The following SPTA1 variants were observed in gnomAD, a reference collection of about 807,000 sequenced individuals.
The protein encoded by SPTA1 is spectrin alpha chain, erythrocytic 1.
A neutral mutation model predicts 324.7 loss-of-function variants in SPTA1; 177 were observed. The observed-to-expected ratio is 0.55, with a 90% CI of 0.48 to 0.62. The LOEUF is 0.62. Ranked by LOEUF, SPTA1 falls within the 20% of genes least tolerant of loss-of-function variation. The pLI is 0.00. For missense variants in SPTA1, 3,162 were observed against 2,883.6 expected, an observed-to-expected ratio of 1.10 and a Z score of -2.21; for synonymous variants, 1,195 against 1,041.3, an observed-to-expected ratio of 1.15 and a Z score of -2.84.
At chr1:158,666,236 A>G in intron 16 of SPTA1, 80 bp downstream of exon 16, 1 of 1,436,760 alleles carries the variant, frequency 7.0e-7, no homozygotes. Flanking sequence ...ATAAGTAATA[A>G]TTACTTATTA....
In SPTA1 at chr1:158,639,258, C is replaced by T. The variant is rs887306904; in HGVS notation, c.4980+324G>A. 3.9e-5 allele frequency: 12 copies of T among 311,238 alleles called. No homozygotes were observed. The East Asian group carries it at 4.6e-4, about 12-fold the overall frequency. The allele number at this position is 311,238 out of a possible 1,614,324, so 19.3% of individuals were successfully genotyped here. ...GTTTGTAATTCTATAAAGTAAACTTCCACTTTCTTTCAAATACCAGATCAA... is the reference window on the plus strand; with the variant it reads ...GTTTGTAATTCTATAAAGTAAACTTTCACTTTCTTTCAAATACCAGATCAA... On this transcript the variant is annotated intron_variant, in intron 35 of 51. Transcript: ENST00000643759.
chr1:158,675,811 G>A (rs910988917), intron 8 of SPTA1, among the ~76,000 whole-genome samples: 1 of 152,064 alleles, frequency 6.6e-6, no homozygotes, highest in Non-Finnish European at 1.5e-5. Context: ...TCTTTCAGTG[G>A]GACAAAGTGG....
At chr1:158,634,415 A>T (rs1650906705) in intron 39 of SPTA1, 128 bp downstream of exon 39, 1 of 1,365,542 alleles carries the variant, frequency 7.3e-7, no homozygotes, top group Non-Finnish European at 1.0e-6. Flanking sequence ...AACTGTCAGG[A>T]TTATTCGTAT....
intron 25 of SPTA1, among the ~76,000 whole-genome samples, chr1:158,649,524 C>G (rs1306350901): frequency 6.6e-6 from 1 of 152,278 alleles, no homozygotes; most frequent in South Asian, 2.1e-4. Flanking sequence ...CGGCCTAAAG[C>G]AATCCTCCTG....
intron 39 of SPTA1, among the ~76,000 whole-genome samples, chr1:158,629,500 C>A (rs1307896397): frequency 6.6e-6 from 1 of 151,800 alleles, no homozygotes; most frequent in Non-Finnish European, 1.5e-5. Flanking sequence ...ATGATAAAAA[C>A]CATCAACAAA....
intron 6 of SPTA1, among the ~76,000 whole-genome samples, 199 bp downstream of exon 6, chr1:158,678,202 A>G (rs1271369454): frequency 6.6e-6 from 1 of 152,034 alleles, no homozygotes; most frequent in African/African-American, 2.4e-5. Context: ...TTGATCTCCA[A>G]TCTCTACATC....
At chr1:158,631,557 A>G (rs1650677710) in intron 39 of SPTA1, among the ~76,000 whole-genome samples, 1 of 152,176 alleles carries the variant, frequency 6.6e-6, no homozygotes, top group South Asian at 2.1e-4. Context: ...ACCACTAAAG[A>G]ACTTATCCAT....
chr1:158,656,598 A>C lies in SPTA1; in HGVS notation c.2864T>G (p.Met955Arg). The C allele has an allele frequency of 1.2e-6, 2 of 1,613,978 alleles. No homozygotes were observed. The highest frequency in any genetic ancestry group is 1.7e-6 in the Non-Finnish European group (2 of 1,179,934). The part of the protein sequence containing the change: ...LLDLNSFGDS[M>R]KALRNQANAC... The stretch of plus-strand genomic sequence containing the variant: ...GTTTGCCTGATTCCGCAGAGCTTTC[A>C]TACTGTCTCCAAATGAATTGAGATC... The change falls in exon 20 of 52, where the codon ATG becomes AGG. Residue 955 changes from methionine (M) to arginine (R), a missense_variant. Coordinates refer to ENST00000643759, the MANE Select transcript of SPTA1 (RefSeq NM_003126.4).
Position 158,683,365 on chromosome 1 carries a change from A to C in SPTA1, c.390+6T>G, listed in dbSNP as rs755169411. 1 of 1,613,116 alleles carries C rather than the reference A, an allele frequency of 6.2e-7. No homozygotes were observed. Among genetic ancestry groups the C allele is most frequent in the Admixed American group, 1.7e-5 (1 of 59,942 alleles). ...TGGAAACTTCTTCAAGGGCCCATAC[A>C]TATACCTTCGTTTCTTCGTGGGCAG... On this transcript the variant is annotated splice_donor_region_variant and intron_variant, in intron 3 of 51. Coordinates refer to ENST00000643759, the MANE Select transcript of SPTA1 (RefSeq NM_003126.4).
Position 158,686,680 on chromosome 1 carries a change from C to T in SPTA1, c.-163G>A. The T allele has an allele frequency of 1.7e-6, 1 of 603,104 alleles. No individual in the cohort carries two copies. The highest frequency in any genetic ancestry group is 2.0e-5 in the South Asian group (1 of 50,336). 37.4% of individuals were successfully genotyped at this position (603,104 alleles called of 1,614,324 possible). ...CTCTTGCTTGGTCCTAGAATCCCAT[C>T]AGCCATACACAATCGACATTATCTT... On this transcript the variant is annotated 5_prime_UTR_variant, in exon 1 of 52. An upstream open reading frame in the 5' UTR loses its in-frame stop. Coordinates refer to ENST00000643759, the MANE Select transcript of SPTA1 (RefSeq NM_003126.4).
chr1:158,660,879 A>G (rs975745636), intron 18 of SPTA1, among the ~76,000 whole-genome samples: 6 of 152,202 alleles, frequency 3.9e-5, no homozygotes, highest in African/African-American at 1.4e-4. Context: ...AAGAAATGGA[A>G]CAGTTTACTA....
intron 42 of SPTA1, among the ~76,000 whole-genome samples, chr1:158,623,952 G>A (rs956340838): frequency 2.0e-5 from 3 of 152,236 alleles, no homozygotes; most frequent in Non-Finnish European, 4.4e-5. Context: ...TGTTCTAGCT[G>A]TAGCCAAAAG....
chr1:158,641,247 G>C (rs980560825), intron 33 of SPTA1, among the ~76,000 whole-genome samples: 12 of 152,186 alleles, frequency 7.9e-5, no homozygotes, highest in Admixed American at 2.6e-4. Context: ...ACATAGGCAT[G>C]GGCAAGGACT....
intron 1 of SPTA1, 100 bp downstream of exon 1, chr1:158,686,394 T>C: frequency 2.2e-6 from 2 of 898,548 alleles, no homozygotes; most frequent in Non-Finnish European, 1.8e-6. Flanking sequence ...AGCCAAATAA[T>C]TATTAATGTT....
At chr1:158,647,131 TA>T (rs918908165) in intron 27 of SPTA1, among the ~76,000 whole-genome samples, 9 of 152,186 alleles carry the variant, frequency 5.9e-5, no homozygotes, top group African/African-American at 2.2e-4. Flanking sequence ...TAAGGTGTAA[TA>T]AAATGTTACT....
Position 158,639,643 on chromosome 1 carries a change from G to A in SPTA1, c.4919C>T (p.Ala1640Val), listed in dbSNP as rs369714529. ...CTTCTTGAGTAGGTTTCCTGCTGAAGCCAAGTCCCTGGCCTGATCTTTCAT... is the reference window on the plus strand; with the variant it reads ...CTTCTTGAGTAGGTTTCCTGCTGAAACCAAGTCCCTGGCCTGATCTTTCAT... Reference protein sequence around the residue: ...LAMKDQARDLASAGNLLKKHQ... With the variant: ...LAMKDQARDLVSAGNLLKKHQ... The change falls in exon 35 of 52, where the codon GCT becomes GTT. Residue 1640 changes from alanine to valine, a missense_variant. Physicochemically the swap from Ala to Val is moderately conservative, Grantham distance 64 (BLOSUM62 0). Transcript: ENST00000643759. 4 of 1,613,894 alleles carry A rather than the reference G, an allele frequency of 2.5e-6. No homozygotes were observed. The highest frequency in any genetic ancestry group is 4.5e-5 in the East Asian group (2 of 44,854).
intron 31 of SPTA1, 33 bp downstream of exon 31, chr1:158,643,289 C>T (rs891295205): frequency 2.5e-6 from 4 of 1,611,578 alleles, no homozygotes; most frequent in Middle Eastern, 1.7e-4. Context: ...CTATATCTTC[C>T]TTTGGCACAT....
rs763839785 is a variant in SPTA1, at chr1:158,669,751, A to G, written c.1635T>C (p.Asp545=). 6.2e-7 allele frequency: 1 copy of G among 1,614,148 alleles called. No individual in the cohort carries two copies. Among genetic ancestry groups the G allele is most frequent in the East Asian group, 2.2e-5 (1 of 44,888 alleles). Residue 545 remains aspartate, a synonymous_variant, in exon 13 of 52, where the codon GAT becomes GAC. Transcript: ENST00000643759. ...TGATGTTCTCTGAATCATAATGGTC[A>G]TCACCAATCAATTTGGTTGCAGTCT... ...VDKTATKLIG[D]DHYDSENIKA...
Position 158,638,148 on chromosome 1 carries a change from T to C in SPTA1, c.5074A>G (p.Asn1692Asp), listed in dbSNP as rs1193149037. 1 of 1,614,008 alleles carries C rather than the reference T, an allele frequency of 6.2e-7. No homozygotes were observed. Among genetic ancestry groups the C allele is most frequent in the African/African-American group, 1.3e-5 (1 of 75,040 alleles). ...TCTTGGACATTCAGGAAACGCTTGT[T>C]GACATTATCTTTTTTCTTCACAATC... ...DQIVKKKDNV[N>D]KRFLNVQELA... is the part of the protein sequence containing the mutation. Residue 1692 changes from asparagine to aspartate, a missense_variant, in exon 36 of 52, where the codon AAC becomes GAC. Asn to Asp is a conservative substitution (Grantham distance 23). Coordinates refer to ENST00000643759, the MANE Select transcript of SPTA1 (RefSeq NM_003126.4).
Sources: gnomAD v4.1 joint callset for allele counts (sites outside exome capture counted in the v4.1 genomes callset) on GRCh38, gnomAD v4.1.1 for gene constraint, MANE v1.5 for transcripts, NCBI Gene and HGNC (gene_info 2026-07-23, HGNC 2026-07-21) for gene names.